The following RPF2 variants were observed in gnomAD, a reference collection of about 807,000 sequenced individuals.
RPF2 encodes ribosome production factor 2 homolog, also known as brix domain containing 1.
A neutral mutation model predicts 38.9 loss-of-function variants in RPF2; 21 were observed. The ratio of observed to expected loss-of-function variants is 0.54; its 90% CI spans 0.38 to 0.78. The LOEUF (loss-of-function observed/expected upper bound fraction) is 0.78. Among genes scored for constraint, RPF2 ranks in the 30% least tolerant of loss-of-function variants. The pLI is 0.00. For missense variants in RPF2, 314 were observed against 358.1 expected (o/e 0.88, Z 0.99); for synonymous variants, 121 against 126.2 (o/e 0.96, Z 0.28).
intron 8 of RPF2, among the ~76,000 whole-genome samples, chr6:111,022,033 CTATT>C (rs1772242846): frequency 6.6e-6 from 1 of 152,134 alleles, no homozygotes; most frequent in East Asian, 1.9e-4. Context: ...ATGTGAGTGA[CTATT>C]TATATCCGTT....
chr6:111,002,679 T>G (rs1432968970), intron 6 of RPF2, among the ~76,000 whole-genome samples: 1 of 152,180 alleles, frequency 6.6e-6, no homozygotes, highest in Non-Finnish European at 1.5e-5. Flanking sequence ...CACTACATTT[T>G]CACTCATGGA....
In RPF2 at chr6:111,000,138, C is replaced by T. The variant is rs533227449; in HGVS notation, c.393+351C>T. Among the ~76,000 whole-genome samples, 229 of 152,170 alleles carry T rather than the reference C, an allele frequency of 1.5e-3. 1 individual carries two copies. In the Middle Eastern group the frequency reaches 0.017, roughly 11 times the overall value. Reference sequence around the variant, plus strand: ...TTTATTTTTTTGAGACAGGGTCTCACTCTGTCACCCAGGCTGGAGAGCAGT... The same window carrying T: ...TTTATTTTTTTGAGACAGGGTCTCATTCTGTCACCCAGGCTGGAGAGCAGT... On this transcript the variant is annotated intron_variant, in intron 6 of 9. Transcript: ENST00000441448.
chr6:111,004,178 A>T (rs1771866794), intron 6 of RPF2, among the ~76,000 whole-genome samples: 1 of 149,842 alleles, frequency 6.7e-6, no homozygotes, highest in Non-Finnish European at 1.5e-5. Flanking sequence ...CTAGCATTTT[A>T]TTTTTATTTT....
At chr6:111,012,968 C>G (rs1562373935) in intron 7 of RPF2, among the ~76,000 whole-genome samples, 2 of 152,152 alleles carry the variant, frequency 1.3e-5, no homozygotes, top group African/African-American at 4.8e-5. Context: ...CCGTGCCCAG[C>G]CATGCTTTTA....
intron 4 of RPF2, among the ~76,000 whole-genome samples, chr6:110,995,038 G>A (rs1771688628): frequency 6.6e-6 from 1 of 151,844 alleles, no homozygotes; most frequent in African/African-American, 2.4e-5. Flanking sequence ...CTGAGTAGCT[G>A]GGACCACAGG....
chr6:111,000,536 TG>T (rs1416273942), intron 6 of RPF2, among the ~76,000 whole-genome samples: 1 of 152,166 alleles, frequency 6.6e-6, no homozygotes, highest in African/African-American at 2.4e-5. Context: ...AGTTCACCCT[TG>T]GGGAGTTGCA....
chr6:111,010,187 G>A (rs1011182330), intron 7 of RPF2, among the ~76,000 whole-genome samples: 2 of 150,274 alleles, frequency 1.3e-5, no homozygotes, highest in South Asian at 4.2e-4. Context: ...GAGTGTACTG[G>A]TGTGATCACG....
intron 1 of RPF2, chr6:110,982,526 TAGC>T: frequency 4.5e-6 from 1 of 220,532 alleles, no homozygotes; most frequent in Non-Finnish European, 9.1e-6. Flanking sequence ...CTCTAAATCT[TAGC>T]TTATTCTGTA....
intron 2 of RPF2, 157 bp from the exon 3 acceptor site, chr6:110,988,871 A>T (rs1771569294): frequency 1.1e-6 from 1 of 884,048 alleles, no homozygotes; most frequent in Non-Finnish European, 1.7e-6. Flanking sequence ...TTACATTTCA[A>T]GTTACTGTAA....
Position 111,006,578 on chromosome 6 carries a change from G to A in RPF2, c.394-1460G>A, listed in dbSNP as rs536799072. On this transcript the variant is annotated intron_variant, in intron 6 of 9. Coordinates refer to ENST00000441448, the MANE Select transcript of RPF2 (RefSeq NM_032194.3). Reference sequence around the variant, plus strand: ...AAATACTTTTTATAGGGTATAGTGGGAAAGGCACAGTGGTACAAATAAATT... The same window carrying A: ...AAATACTTTTTATAGGGTATAGTGGAAAAGGCACAGTGGTACAAATAAATT... Among the ~76,000 whole-genome samples the A allele has an allele frequency of 7.4e-4, 113 of 152,160 alleles. 2 individuals carry two copies. In the South Asian group the frequency reaches 7.7e-3, roughly 10 times the overall value.
At chr6:111,022,151 T>C (rs2114355838) in intron 8 of RPF2, among the ~76,000 whole-genome samples, 1 of 152,238 alleles carries the variant, frequency 6.6e-6, no homozygotes, top group South Asian at 2.1e-4. Flanking sequence ...TGGGGGGAAA[T>C]ATGCAAAACA....
At chr6:110,991,840 G>T in intron 4 of RPF2, 54 bp downstream of exon 4, 2 of 683,344 alleles carry the variant, frequency 2.9e-6, no homozygotes, top group South Asian at 5.1e-5. Flanking sequence ...TAATTATTCA[G>T]ACTAATTCAT....
chr6:110,997,921 A>T (rs1287555208), intron 5 of RPF2, among the ~76,000 whole-genome samples: 3 of 143,858 alleles, frequency 2.1e-5, no homozygotes, highest in African/African-American at 7.8e-5. Flanking sequence ...TTTTCCTGAG[A>T]CGGAGTCTTG....
chr6:110,984,858 AC>A (rs1413773532), intron 1 of RPF2, 147 bp from the exon 2 acceptor site: 5 of 919,460 alleles, frequency 5.4e-6, no homozygotes, highest in Non-Finnish European at 8.2e-6. Context: ...ACAAAAAAAA[AC>A]AAACAAAAAA....
rs527981940 is a variant in RPF2, at chr6:110,989,960, C to T, written c.194+895C>T. ...TCTTTCTTTTCTTTTTTTTTTAAGA[C>T]GGAGTTTCACTCTTGTTGCCCAGGC... On this transcript the variant is annotated intron_variant, in intron 3 of 9. Transcript: ENST00000441448. Among the ~76,000 whole-genome samples the T allele has an allele frequency of 1.5e-4, 20 of 133,280 alleles. No homozygotes were observed. In the South Asian group the frequency reaches 1.9e-3, roughly 13 times the overall value. The allele number at this position is 133,280 out of a possible 152,430, so 87.4% of individuals were successfully genotyped here.
At chr6:111,010,128 C>CT (rs201363141) in intron 7 of RPF2, among the ~76,000 whole-genome samples, 262 of 130,698 alleles carry the variant, frequency 2.0e-3, no homozygotes, top group Middle Eastern at 3.9e-3. Context: ...TTTTTTTTTT[C>CT]TTTTTTTTTT....
intron 7 of RPF2, among the ~76,000 whole-genome samples, chr6:111,008,460 G>A (rs931751928): frequency 6.6e-6 from 1 of 151,796 alleles, no homozygotes; most frequent in Admixed American, 6.6e-5. Context: ...TATCTCGGGA[G>A]AGTTAAAGCA....
intron 3 of RPF2, among the ~76,000 whole-genome samples, chr6:110,991,157 T>G (rs1771612788): frequency 6.6e-6 from 1 of 152,206 alleles, no homozygotes; most frequent in Non-Finnish European, 1.5e-5. Flanking sequence ...ATGCTTCCCA[T>G]AAAAGTAAGT....
chr6:110,985,281 G>A (rs1005016476), intron 2 of RPF2, 143 bp downstream of exon 2: 2 of 651,348 alleles, frequency 3.1e-6, no homozygotes, highest in African/African-American at 1.9e-5. Context: ...TAAAGTTGGG[G>A]GTTTATTTAC....
Sources: allele counts gnomAD v4.1 joint callset (sites outside exome capture counted in the v4.1 genomes callset), GRCh38; gene constraint gnomAD v4.1.1; transcripts MANE v1.5; gene names NCBI Gene and HGNC (gene_info 2026-07-23, HGNC 2026-07-21).